Variants in ADAM22 observed in about 807,000 individuals in gnomAD.
ADAM22 encodes ADAM metallopeptidase domain 22.
Under a neutral mutation model 144.6 loss-of-function variants are expected in ADAM22, and 65 were observed. The ratio of observed to expected loss-of-function variants is 0.45; its 90% CI spans 0.37 to 0.55. ADAM22 has a LOEUF of 0.55. Ranked by LOEUF, ADAM22 falls within the 20% of genes least tolerant of loss-of-function variation. The pLI, the probability that ADAM22 is intolerant of heterozygous loss-of-function variation, is 0.00. For missense variants in ADAM22, 974 were observed against 1,184.9 expected (o/e 0.82, Z 2.61); for synonymous variants, 391 against 412.6 (o/e 0.95, Z 0.63).
intron 9 of ADAM22, among the ~76,000 whole-genome samples, chr7:88,129,849 C>T (rs1377614377): frequency 6.6e-6 from 1 of 152,024 alleles, no homozygotes; most frequent in Non-Finnish European, 1.5e-5. Flanking sequence ...ATGATATTTC[C>T]TGATTTTTAA....
chr7:87,957,172 T>C (rs1846987808), intron 2 of ADAM22, among the ~76,000 whole-genome samples: 1 of 152,202 alleles, frequency 6.6e-6, no homozygotes, highest in Admixed American at 6.5e-5. Context: ...TGAATCAACA[T>C]GTGCCTCCTT....
At chr7:88,017,290 A>T (rs2129462772) in intron 3 of ADAM22, among the ~76,000 whole-genome samples, 1 of 152,320 alleles carries the variant, frequency 6.6e-6, no homozygotes, top group Non-Finnish European at 1.5e-5. Flanking sequence ...TCCCAACACA[A>T]AGAAATGGCA....
chr7:88,126,550 T>A (rs966934343), intron 8 of ADAM22, among the ~76,000 whole-genome samples: 5 of 151,988 alleles, frequency 3.3e-5, no homozygotes, highest in Non-Finnish European at 7.4e-5. Flanking sequence ...ATTTTAACTA[T>A]ATTAACACAT....
At chr7:87,983,915 C>T (rs1255030266) in intron 3 of ADAM22, among the ~76,000 whole-genome samples, 2 of 152,054 alleles carry the variant, frequency 1.3e-5, no homozygotes, top group Non-Finnish European at 2.9e-5. Flanking sequence ...CACCAACCCT[C>T]CACAACAAGG....
chr7:88,172,332 G>A (rs1226356079), intron 26 of ADAM22, among the ~76,000 whole-genome samples: 1 of 151,878 alleles, frequency 6.6e-6, no homozygotes, highest in Non-Finnish European at 1.5e-5. Context: ...AAAGTTACTA[G>A]TGCTGTTAGC....
At chr7:88,153,083 C>T (rs1019410593) in intron 20 of ADAM22, 138 bp from the exon 21 acceptor site, 3 of 568,424 alleles carry the variant, frequency 5.3e-6, no homozygotes, top group East Asian at 3.0e-5. Flanking sequence ...AACTGTGAAC[C>T]GTTCGTTGGT....
chr7:88,097,665 A>G (rs1821777159), intron 4 of ADAM22, among the ~76,000 whole-genome samples: 1 of 150,590 alleles, frequency 6.6e-6, no homozygotes, highest in Non-Finnish European at 1.5e-5. Context: ...TTTTTCAGAT[A>G]TGACAAAAGA....
chr7:88,013,423 C>A (rs10279433), intron 3 of ADAM22, among the ~76,000 whole-genome samples: 2,263 of 152,004 alleles, frequency 0.015, 50 homozygotes, highest in African/African-American at 0.051. Flanking sequence ...TCTGAACTTT[C>A]TTATTAATTT....
chr7:88,166,413 C>T (rs1430234680), intron 24 of ADAM22, among the ~76,000 whole-genome samples: 1 of 152,096 alleles, frequency 6.6e-6, no homozygotes, highest in Non-Finnish European at 1.5e-5. Flanking sequence ...TAATCCTGGC[C>T]AAGGTTCCTG....
intron 3 of ADAM22, among the ~76,000 whole-genome samples, chr7:88,011,003 G>A (rs766999908): frequency 3.9e-5 from 6 of 152,154 alleles, no homozygotes; most frequent in Admixed American, 1.3e-4. Flanking sequence ...GTATGTGATG[G>A]CATATTAAGA....
At chr7:87,943,877 G>T (rs578165116) in intron 2 of ADAM22, among the ~76,000 whole-genome samples, 1 of 152,196 alleles carries the variant, frequency 6.6e-6, no homozygotes, top group African/African-American at 2.4e-5. Flanking sequence ...TTTGTACTAG[G>T]GGATTTTAGC....
chr7:88,005,960 A>G (rs1208409647), intron 3 of ADAM22, among the ~76,000 whole-genome samples: 2 of 152,192 alleles, frequency 1.3e-5, no homozygotes, highest in South Asian at 2.1e-4. Flanking sequence ...ATTGCTTGAT[A>G]CACTACTGTA....
intron 2 of ADAM22, among the ~76,000 whole-genome samples, chr7:87,955,030 A>G (rs1414072301): frequency 5.3e-5 from 8 of 152,062 alleles, no homozygotes; most frequent in Non-Finnish European, 7.4e-5. Flanking sequence ...CTAGTTATAC[A>G]TTTGTCTAAA....
chr7:88,152,939 A>G (rs117117705), intron 20 of ADAM22, among the ~76,000 whole-genome samples: 2,067 of 152,142 alleles, frequency 0.014, 16 homozygotes, highest in South Asian at 0.032. Context: ...TTATTGGCCA[A>G]ATTCTAAGGA....
At chr7:88,137,489 T>C (rs1205611235) in intron 14 of ADAM22, among the ~76,000 whole-genome samples, 1 of 152,196 alleles carries the variant, frequency 6.6e-6, no homozygotes, top group Admixed American at 6.6e-5. Flanking sequence ...GCTTCTTAAA[T>C]ACTTGCTCAC....
rs17255978 is a variant in ADAM22, at chr7:88,125,600, G to A, written c.619G>A (p.Val207Ile). 0.049 allele frequency: 78,558 copies of A among 1,590,260 alleles called. 2,605 individuals are homozygous for A. The highest frequency in any genetic ancestry group is 0.13 in the Admixed American group (7,420 of 55,692). Reference protein sequence around the residue: ...LDDLPSEFQQVNITPSKFILK... With the variant: ...LDDLPSEFQQINITPSKFILK... ...TAATTTCCTTTTAGAATTTCAGCAAGTAAACATTACTCCATCAAAATTTAT... is the reference window on the plus strand; with the variant it reads ...TAATTTCCTTTTAGAATTTCAGCAAATAAACATTACTCCATCAAAATTTAT... Residue 207 changes from valine (V) to isoleucine (I), a missense_variant, in exon 8 of 32, where the codon GTA (valine) becomes ATA (isoleucine). Physicochemically the swap from Val to Ile is conservative, Grantham distance 29. Transcript: ENST00000413139.
intron 3 of ADAM22, among the ~76,000 whole-genome samples, chr7:88,027,314 C>T (rs1214734999): frequency 6.6e-6 from 1 of 152,136 alleles, no homozygotes; most frequent in Non-Finnish European, 1.5e-5. Flanking sequence ...GGTGTTAGTA[C>T]TTCTTTAGAT....
chr7:88,157,916 A>C (rs568843439), intron 22 of ADAM22, among the ~76,000 whole-genome samples: 106 of 152,288 alleles, frequency 7.0e-4, no homozygotes, highest in Non-Finnish European at 1.3e-3. Context: ...TGGGGATTGA[A>C]TGTAAATGGC....
intron 3 of ADAM22, among the ~76,000 whole-genome samples, chr7:88,015,813 G>T (rs546029885): frequency 6.6e-6 from 1 of 152,184 alleles, no homozygotes; most frequent in South Asian, 2.1e-4. Flanking sequence ...GAAATTTGTG[G>T]GGAGCAGAGG....
Sources: allele counts gnomAD v4.1 joint callset (sites outside exome capture counted in the v4.1 genomes callset), GRCh38; gene constraint gnomAD v4.1.1; transcripts MANE v1.5; gene names NCBI Gene and HGNC (gene_info 2026-07-23, HGNC 2026-07-21).